Variants in SRPK2 observed in about 807,000 individuals in gnomAD.
SRPK2 encodes SRSF protein kinase 2.
In SRPK2, 21 loss-of-function variants were observed where a neutral mutation model predicts 90.8. That is an observed-to-expected ratio of 0.23 (90% CI 0.16 to 0.33). The LOEUF is 0.33. SRPK2 is among the 10% of genes least tolerant of loss of function. The pLI is 1.00. For missense variants in SRPK2, 620 were observed against 869.0 expected (o/e 0.71, Z 3.60); for synonymous variants, 288 against 311.1 (o/e 0.93, Z 0.78).
chr7:105,268,696 T>G (rs772258187), intron 2 of SRPK2: 26 of 1,247,524 alleles, frequency 2.1e-5, no homozygotes, highest in Non-Finnish European at 2.9e-5. Flanking sequence ...AATACCAGCA[T>G]GCAGGACAAT....
chr7:105,242,068 T>A (rs1800882603), intron 2 of SRPK2, among the ~76,000 whole-genome samples: 1 of 152,240 alleles, frequency 6.6e-6, no homozygotes, highest in African/African-American at 2.4e-5. Flanking sequence ...TTTGATCTTA[T>A]GTCATTATCA....
chr7:105,140,532 C>T (rs371302300), intron 11 of SRPK2, among the ~76,000 whole-genome samples: 1 of 151,450 alleles, frequency 6.6e-6, no homozygotes, highest in Admixed American at 6.6e-5. Context: ...GTTCAGGAGG[C>T]GGAGGTTGCA....
intron 2 of SRPK2, among the ~76,000 whole-genome samples, chr7:105,316,411 G>GT (rs1419434791): frequency 6.6e-6 from 1 of 152,112 alleles, no homozygotes; most frequent in African/African-American, 2.4e-5. Flanking sequence ...ATAAAGCCTG[G>GT]TATCTACTCA....
rs1258129467 is a variant in SRPK2, at chr7:105,374,274, CAAA to C, written c.71+14371_71+14373del. On this transcript the variant is annotated intron_variant, in intron 2 of 15. Coordinates refer to ENST00000393651, the MANE Select transcript of SRPK2 (RefSeq NM_182692.3). ...CTTCATTAAGTATAACAGTCTAAGT[CAAA>C]AAAACCTTTAATTTTGTCATTTTGT... Among the ~76,000 whole-genome samples the C allele has an allele frequency of 2.0e-5, 3 of 152,042 alleles. No homozygotes were observed. In the East Asian group the frequency reaches 5.8e-4, roughly 29 times the overall value.
chr7:105,328,490 G>A (rs2131643056), intron 2 of SRPK2, among the ~76,000 whole-genome samples: 1 of 146,758 alleles, frequency 6.8e-6, no homozygotes, highest in East Asian at 2.0e-4. Context: ...TTGCACCTGG[G>A]AGGTAGAGGT....
chr7:105,181,165 G>C (rs1387682883), intron 3 of SRPK2, among the ~76,000 whole-genome samples: 1 of 152,184 alleles, frequency 6.6e-6, no homozygotes. Context: ...AAACCACGAT[G>C]AAACACCATC....
chr7:105,384,987 C>T (rs1299320847), intron 2 of SRPK2, among the ~76,000 whole-genome samples: 2 of 141,424 alleles, frequency 1.4e-5, no homozygotes, highest in South Asian at 2.4e-4. Context: ...CGCCATTCTC[C>T]TGCCTCAGCC....
intron 2 of SRPK2, among the ~76,000 whole-genome samples, chr7:105,356,164 C>A (rs1477225094): frequency 6.6e-6 from 1 of 152,110 alleles, no homozygotes; most frequent in East Asian, 1.9e-4. Context: ...GGCTTCAATA[C>A]CTCTATTTCA....
intron 2 of SRPK2, among the ~76,000 whole-genome samples, chr7:105,295,281 T>C: frequency 6.6e-6 from 1 of 151,748 alleles, no homozygotes; most frequent in Admixed American, 6.6e-5. Flanking sequence ...CATATTTATA[T>C]AACGTTTTAA....
intron 7 of SRPK2, among the ~76,000 whole-genome samples, chr7:105,155,098 A>T (rs547925977): frequency 6.6e-6 from 1 of 152,174 alleles, no homozygotes; most frequent in East Asian, 1.9e-4. Flanking sequence ...CTCTTGCCGC[A>T]GCCTCCCAAG....
In SRPK2 at chr7:105,275,529, T is replaced by A. The variant is rs138617283; in HGVS notation, c.72-71744A>T. Among the ~76,000 whole-genome samples the A allele has an allele frequency of 5.3e-5, 8 of 152,296 alleles. No individual in the cohort carries two copies. The South Asian group carries it at 1.5e-3, about 28-fold the overall frequency. ...CCTTAAAAGATACTCAAACTCCTTA[T>A]GAAGATGAACAGTTTTTAACTCTTC... On this transcript the variant is annotated intron_variant, in intron 2 of 15. Coordinates refer to ENST00000393651, the MANE Select transcript of SRPK2 (RefSeq NM_182692.3).
chr7:105,126,188 A>G, intron 15 of SRPK2, 60 bp downstream of exon 15: 1 of 1,329,718 alleles, frequency 7.5e-7, no homozygotes, highest in Non-Finnish European at 1.1e-6. Flanking sequence ...TGCTAAAATC[A>G]GCAGCTGCTC....
upstream of SRPK2, among the ~76,000 whole-genome samples, chr7:105,393,465 T>C (rs904341853): frequency 9.9e-5 from 14 of 141,044 alleles, no homozygotes; most frequent in African/African-American, 2.0e-4. Context: ...TTTTCTTTTT[T>C]TTTTTTTTTT....
At chr7:105,224,124 A>T (rs1338130637) in intron 2 of SRPK2, among the ~76,000 whole-genome samples, 1 of 152,220 alleles carries the variant, frequency 6.6e-6, no homozygotes, top group East Asian at 1.9e-4. Context: ...ACAGATTTTT[A>T]AACGACATCT....
intron 7 of SRPK2, among the ~76,000 whole-genome samples, chr7:105,159,474 C>CAAAAAAAA (rs1554428784): frequency 2.5e-4 from 14 of 55,148 alleles, no homozygotes; most frequent in Non-Finnish European, 5.2e-4. Flanking sequence ...AAAAAAAAAA[C>CAAAAAAAA]CGTACAAAAG....
intron 2 of SRPK2, 87 bp downstream of exon 2, chr7:105,388,561 G>C (rs1821931953): frequency 7.9e-7 from 1 of 1,263,716 alleles, no homozygotes; most frequent in Non-Finnish European, 1.1e-6. Context: ...GCCGGCCCGG[G>C]GACCCGGACA....
intron 13 of SRPK2, among the ~76,000 whole-genome samples, chr7:105,129,676 A>C (rs928214411): frequency 6.6e-6 from 1 of 152,094 alleles, no homozygotes; most frequent in Non-Finnish European, 1.5e-5. Flanking sequence ...CGCTGGGCCT[A>C]AGTATAATCT....
chr7:105,179,412 A>G (rs1792435745), intron 3 of SRPK2, among the ~76,000 whole-genome samples: 1 of 152,190 alleles, frequency 6.6e-6, no homozygotes, highest in Non-Finnish European at 1.5e-5. Flanking sequence ...CAGAGTTAAG[A>G]GTATTGTCTA....
chr7:105,367,004 T>C (rs1819143712), intron 2 of SRPK2, among the ~76,000 whole-genome samples: 1 of 152,210 alleles, frequency 6.6e-6, no homozygotes, highest in South Asian at 2.1e-4. Context: ...ATTCAAAGTT[T>C]ACAGACTTGC....
Sources: allele counts gnomAD v4.1 joint callset (sites outside exome capture counted in the v4.1 genomes callset), GRCh38; gene constraint gnomAD v4.1.1; transcripts MANE v1.5; gene names NCBI Gene and HGNC (gene_info 2026-07-23, HGNC 2026-07-21).